Variants in CDK12 observed in about 807,000 individuals in gnomAD.
CDK12 encodes cyclin-dependent kinase 12.
Under a neutral mutation model 133.8 loss-of-function variants are expected in CDK12, and 17 were observed. The observed-to-expected ratio is 0.13, with a 90% CI of 0.09 to 0.19. The LOEUF (loss-of-function observed/expected upper bound fraction) is 0.19. CDK12 is among the 10% of genes least tolerant of loss of function. The probability of loss-of-function intolerance (pLI) is 1.00; values close to 1 mark genes in which losing one functional copy is unlikely to be tolerated. For missense variants in CDK12, 1,508 were observed against 1,818.7 expected (o/e 0.83, Z 3.11); for synonymous variants, 694 against 683.6 (o/e 1.02, Z -0.24).
In CDK12 at chr17:39,501,431, G is replaced by T; in HGVS notation, c.2601G>T (p.Leu867=). 6.2e-7 allele frequency: 1 copy of T among 1,607,802 alleles called. No homozygotes were observed. The highest frequency in any genetic ancestry group is 1.1e-5 in the South Asian group (1 of 89,850). Residue 867 remains leucine, a synonymous_variant, in exon 6 of 14, where the codon CTG becomes CTT. Coordinates refer to ENST00000447079, the MANE Select transcript of CDK12 (RefSeq NM_016507.4). ...HRDIKCSNIL[L]NNSGQIKLAD... Reference sequence around the variant, plus strand: ...ATATTAAGTGTTCTAACATTTTGCTGAATAACAGGTAACATAGTAACCAAA... The same window carrying T: ...ATATTAAGTGTTCTAACATTTTGCTTAATAACAGGTAACATAGTAACCAAA...
chr17:39,499,208 C>CA (rs1555565376), intron 5 of CDK12, among the ~76,000 whole-genome samples: 1 of 12,438 alleles, frequency 8.0e-5, no homozygotes, highest in East Asian at 2.3e-3. Context: ...TCTTTCTTTC[C>CA]TTTTTTTTTT....
chr17:39,507,237 C>G (rs1036825015), intron 6 of CDK12, among the ~76,000 whole-genome samples: 1 of 151,660 alleles, frequency 6.6e-6, no homozygotes, highest in Admixed American at 6.6e-5. Flanking sequence ...TACTTCCACA[C>G]TTCATACTGA....
intron 2 of CDK12, among the ~76,000 whole-genome samples, chr17:39,481,194 G>A (rs1377854335): frequency 6.6e-6 from 1 of 151,016 alleles, no homozygotes; most frequent in Admixed American, 6.6e-5. Context: ...CGGAGGTTGC[G>A]GTGAGCCGAG....
chr17:39,468,139 C>T (rs1395301182), intron 1 of CDK12, among the ~76,000 whole-genome samples: 1 of 152,126 alleles, frequency 6.6e-6, no homozygotes. Flanking sequence ...GGGTGATCCA[C>T]CCGCCTCAGC....
chr17:39,471,720 T>C lies in CDK12; in HGVS notation c.1888T>C (p.Leu630=). The change falls in exon 2 of 14, where the codon TTG becomes CTG. Residue 630 remains leucine (L), a synonymous_variant. Transcript: ENST00000447079. ...CCTGAAAACTTCAACGTTGCCTCCT[T>C]TGCCCCTCCCACCCTTATTACCTGG... The part of the protein sequence containing the change: ...PHLKTSTLPP[L]PLPPLLPGDD... 6.2e-7 allele frequency: 1 copy of C among 1,614,016 alleles called. No individual in the cohort carries two copies. The highest frequency in any genetic ancestry group is 8.5e-7 in the Non-Finnish European group (1 of 1,179,980).
At chr17:39,549,713 C>G (rs902266512), upstream of CDK12, 1 of 151,898 alleles carries the variant, frequency 6.6e-6, no homozygotes, top group South Asian at 2.1e-4. Context: ...ACATGTCCCC[C>G]TATAAGGCCC....
downstream of CDK12, among the ~76,000 whole-genome samples, chr17:39,535,945 C>G (rs1333779139): frequency 6.6e-6 from 1 of 152,168 alleles, no homozygotes; most frequent in Non-Finnish European, 1.5e-5. Flanking sequence ...GGTGGAACTG[C>G]TGAGTCTTCT....
intron 1 of CDK12, among the ~76,000 whole-genome samples, chr17:39,464,645 A>T (rs940894010): frequency 6.6e-6 from 1 of 151,976 alleles, no homozygotes; most frequent in Non-Finnish European, 1.5e-5. Flanking sequence ...TGGAGTTCTT[A>T]ATGTTTCCTC....
chr17:39,517,378 C>A (rs1256448181), intron 9 of CDK12, 62 bp from the exon 10 acceptor site: 2 of 937,030 alleles, frequency 2.1e-6, no homozygotes, highest in Non-Finnish European at 3.4e-6. Flanking sequence ...GCTTCTGAAA[C>A]CTCCGGAATT....
chr17:39,470,114 A>T (rs887816330), intron 1 of CDK12, among the ~76,000 whole-genome samples: 2 of 151,386 alleles, frequency 1.3e-5, no homozygotes, highest in Non-Finnish European at 2.9e-5. Context: ...ATATGTTTTC[A>T]TGTAGGATTT....
chr17:39,514,970 A>G (rs1193974690), intron 8 of CDK12, among the ~76,000 whole-genome samples: 2 of 152,212 alleles, frequency 1.3e-5, no homozygotes, highest in Non-Finnish European at 2.9e-5. Flanking sequence ...ATGGAATTAT[A>G]TAGTATATAC....
chr17:39,471,275 A>G lies in CDK12; in HGVS notation c.1443A>G (p.Val481=). ...AAAATTCTTCAGATACAGGGAAAGTAAAGTTGGATGAGAACTCCGAGAAGC... is the reference window on the plus strand; with the variant it reads ...AAAATTCTTCAGATACAGGGAAAGTGAAGTTGGATGAGAACTCCGAGAAGC... The part of the protein sequence containing the change: ...EVKNSSDTGK[V]KLDENSEKHL... The change falls in exon 2 of 14, where the codon GTA becomes GTG. Residue 481 remains valine, a synonymous_variant. Coordinates refer to ENST00000447079, the MANE Select transcript of CDK12 (RefSeq NM_016507.4). The G allele has an allele frequency of 1.2e-6, 2 of 1,612,878 alleles. No homozygotes were observed. The highest frequency in any genetic ancestry group is 1.7e-6 in the Non-Finnish European group (2 of 1,179,660).
chr17:39,501,698 G>A (rs959731433), intron 6 of CDK12, among the ~76,000 whole-genome samples: 1 of 152,022 alleles, frequency 6.6e-6, no homozygotes. Context: ...CTTACTCCTA[G>A]GTTTTAATAG....
intron 2 of CDK12, 53 bp from the exon 3 acceptor site, chr17:39,490,504 T>C: frequency 7.5e-7 from 1 of 1,337,560 alleles, no homozygotes; most frequent in East Asian, 2.4e-5. Flanking sequence ...TGAAAATTTT[T>C]ATTTGCGTAT....
rs367703051 is a variant in CDK12, at chr17:39,530,708, G to A, written c.3865G>A (p.Ala1289Thr). 14 of 1,612,364 alleles carry A rather than the reference G, an allele frequency of 8.7e-6. No individual in the cohort carries two copies. Among genetic ancestry groups the A allele is most frequent in the Non-Finnish European group, 1.2e-5 (14 of 1,179,718 alleles). ...TCTGGTTGAAGGCGATCTTTCCAGC[G>A]CCCCCCAGGAGTTGAACCCAGCCGT... ...PPLVEGDLSS[A>T]PQELNPAVTA... Residue 1289 changes from alanine to threonine, a missense_variant, in exon 14 of 14, where the codon GCC becomes ACC. Around this residue, in one of 9 missense-constraint regions of CDK12, gnomAD observed 399 missense variants for 469.6 expected, o/e 0.85. Coordinates refer to ENST00000447079, the MANE Select transcript of CDK12 (RefSeq NM_016507.4).
chr17:39,492,407 C>CT (rs1027901722), intron 3 of CDK12, among the ~76,000 whole-genome samples: 100 of 116,604 alleles, frequency 8.6e-4, no homozygotes, highest in Middle Eastern at 6.5e-3. Context: ...ATTTCATTTT[C>CT]TTTTTTTTTT....
At chr17:39,551,211 A>G (rs2055942451) in intron 2 of CDK12, 2 of 152,200 alleles carry the variant, frequency 1.3e-5, no homozygotes, top group African/African-American at 4.8e-5. Context: ...CATTGCTTGA[A>G]GTCTCAAGTT....
downstream of CDK12, among the ~76,000 whole-genome samples, chr17:39,537,813 C>A (rs1425724625): frequency 6.6e-6 from 1 of 152,012 alleles, no homozygotes; most frequent in Non-Finnish European, 1.5e-5. Flanking sequence ...CCACCCGCCT[C>A]GGCCTCCCAA....
intron 6 of CDK12, among the ~76,000 whole-genome samples, chr17:39,502,972 G>A (rs899544976): frequency 2.0e-5 from 3 of 152,126 alleles, no homozygotes; most frequent in African/African-American, 7.2e-5. Flanking sequence ...AACTTTATCT[G>A]TATTTGACAG....
Sources: gnomAD v4.1 joint callset for allele counts (sites outside exome capture counted in the v4.1 genomes callset) on GRCh38, gnomAD v4.1.1 for gene constraint, gnomAD v4.1.1 regional missense constraint, MANE v1.5 for transcripts, NCBI Gene and HGNC (gene_info 2026-07-23, HGNC 2026-07-21) for gene names.